The following PIEZO2 variants were observed in gnomAD, a reference collection of about 807,000 sequenced individuals.
The protein encoded by PIEZO2 is piezo type mechanosensitive ion channel component 2.
Under a neutral mutation model 337.3 loss-of-function variants are expected in PIEZO2, and 172 were observed. The observed-to-expected ratio is 0.51, with a 90% CI of 0.45 to 0.58. The LOEUF is 0.58. PIEZO2 is among the 20% of genes least tolerant of loss of function. The probability of loss-of-function intolerance (pLI) is 0.00; values close to 1 mark genes in which losing one functional copy is unlikely to be tolerated. For synonymous variants in PIEZO2, 1,251 were observed against 1,228.5 expected (o/e 1.02, Z -0.38); for missense variants, 3,028 against 3,391.3 (o/e 0.89, Z 2.66).
chr18:10,730,776 G>T (rs2036732793), intron 36 of PIEZO2, among the ~76,000 whole-genome samples: 1 of 152,072 alleles, frequency 6.6e-6, no homozygotes, highest in African/African-American at 2.4e-5. Context: ...GCCCAGGCTG[G>T]AGTGCAGTGG....
intron 49 of PIEZO2, among the ~76,000 whole-genome samples, chr18:10,683,388 G>A (rs761536773): frequency 6.6e-5 from 10 of 152,324 alleles, no homozygotes; most frequent in East Asian, 3.9e-4. Context: ...GGGCCAGTGC[G>A]TAGTGCACTC....
intron 4 of PIEZO2, chr18:10,908,333 T>C (rs969281956): frequency 6.6e-6 from 1 of 152,262 alleles, no homozygotes; most frequent in African/African-American, 2.4e-5. Context: ...TCTTTTCATT[T>C]AGATGTGATC....
In PIEZO2 at chr18:11,126,042, C is replaced by T. The variant is rs568921563; in HGVS notation, c.64+22483G>A. 9.2e-5 allele frequency among the ~76,000 whole-genome samples: 14 copies of T among 152,276 alleles called. No homozygotes were observed. In the South Asian group the frequency reaches 1.7e-3, roughly 18 times the overall value. ...ATGACTCCATTTATTTTCCAAAATA[C>T]GTTAACTTTCAGTCTGTACTTACCC... On this transcript the variant is annotated intron_variant, in intron 1 of 55. Coordinates refer to ENST00000674853, the MANE Select transcript of PIEZO2 (RefSeq NM_001378183.1). The surrounding 1 kb of genome is among the most constrained non-coding windows in gnomAD (Gnocchi z 4.6).
intron 7 of PIEZO2, among the ~76,000 whole-genome samples, chr18:10,829,821 A>T (rs924636873): frequency 6.6e-6 from 1 of 152,154 alleles, no homozygotes; most frequent in Non-Finnish European, 1.5e-5. Context: ...GATATTCCAT[A>T]TTCAGGAATT....
At position 11,027,439 on chromosome 18, in the gene PIEZO2, G is replaced by C. The variant is rs2036578509; in HGVS notation, c.160+38688C>G. On this transcript the variant is annotated intron_variant, in intron 2 of 55. Coordinates refer to ENST00000674853, the MANE Select transcript of PIEZO2 (RefSeq NM_001378183.1). The surrounding 1 kb of genome is among the most constrained non-coding windows in gnomAD (Gnocchi z 4.2). ...GGAATAAGGTACAAGAGGTTAAAAA[G>C]AAAGCAATCAAATTGACAATGAAGC... is the stretch of plus-strand genomic sequence containing the variant. 6.6e-6 allele frequency among the ~76,000 whole-genome samples: 1 copy of C among 152,186 alleles called. No homozygotes were observed. Among genetic ancestry groups the C allele is most frequent in the Non-Finnish European group, 1.5e-5 (1 of 68,030 alleles).
At chr18:11,006,592 C>G (rs996241232) in intron 2 of PIEZO2, among the ~76,000 whole-genome samples, 1 of 152,132 alleles carries the variant, frequency 6.6e-6, no homozygotes, top group African/African-American at 2.4e-5. Context: ...TCCATTTACC[C>G]TCCCGCATCT....
chr18:10,888,001 C>T lies in PIEZO2; in HGVS notation c.330-16586G>A, dbSNP rs2042656510. 6.6e-6 allele frequency among the ~76,000 whole-genome samples: 1 copy of T among 152,162 alleles called. No homozygotes were observed. The highest frequency in any genetic ancestry group is 6.5e-5 in the Admixed American group (1 of 15,282). ...GATTTGAACTTTGTAAGGATATATT[C>T]TGAAATTGCATCAATGTCCTCTGCC... On this transcript the variant is annotated intron_variant, in intron 4 of 55. Transcript: ENST00000674853. The surrounding 1 kb of genome is among the most constrained non-coding windows in gnomAD (Gnocchi z 4.1).
chr18:10,717,042 G>A (rs1393511676), intron 37 of PIEZO2, among the ~76,000 whole-genome samples: 2 of 152,272 alleles, frequency 1.3e-5, no homozygotes, highest in Non-Finnish European at 2.9e-5. Context: ...GTGGTTAAGA[G>A]CACACACTCT....
At position 10,773,943 on chromosome 18, in the gene PIEZO2, G is replaced by T. The variant is rs568513779; in HGVS notation, c.2567+63C>A. On this transcript the variant is annotated intron_variant, in intron 19 of 55. Coordinates refer to ENST00000674853, the MANE Select transcript of PIEZO2 (RefSeq NM_001378183.1). This position sits in a 1 kb window ranked among gnomAD's most constrained non-coding sequence, Gnocchi z 5.3. ...GAGGAGAAAATGGTCAGAGTTTAGG[G>T]TGTAGAAGCATGAAATGGCATCATG... is the stretch of plus-strand genomic sequence containing the variant. 1.4e-6 allele frequency: 1 copy of T among 701,366 alleles called. No homozygotes were observed. Among genetic ancestry groups the T allele is most frequent in the East Asian group, 2.7e-5 (1 of 37,266 alleles). 43.4% of individuals were successfully genotyped at this position (701,366 alleles called of 1,614,324 possible). A position where few individuals can be genotyped will look rare whatever the true frequency, so the allele number is the denominator to read the frequency against.
At chr18:10,757,553 G>A (rs1237527906) in intron 27 of PIEZO2, among the ~76,000 whole-genome samples, 1 of 146,304 alleles carries the variant, frequency 6.8e-6, no homozygotes, top group Non-Finnish European at 1.5e-5. Context: ...ATGGGGATGA[G>A]GATGAGCTAT....
intron 2 of PIEZO2, among the ~76,000 whole-genome samples, chr18:11,062,375 A>C (rs1044538247): frequency 6.6e-6 from 1 of 152,336 alleles, no homozygotes; most frequent in South Asian, 2.1e-4. Context: ...TAAAACACCA[A>C]AAGCAATGGC....
At chr18:11,025,664 T>C (rs2036514879) in intron 2 of PIEZO2, among the ~76,000 whole-genome samples, 1 of 152,144 alleles carries the variant, frequency 6.6e-6, no homozygotes, top group African/African-American at 2.4e-5. Flanking sequence ...GACACAGACA[T>C]TTCCTGAATG....
Position 10,726,538 on chromosome 18 carries a change from T to C in PIEZO2, c.5029+4869A>G, listed in dbSNP as rs907109667. 6.3e-6 allele frequency: 9 copies of C among 1,438,496 alleles called. No individual in the cohort carries two copies. The Admixed American group carries it at 1.9e-4, about 31-fold the overall frequency. The allele number at this position is 1,438,496 out of a possible 1,614,324, so 89.1% of individuals were successfully genotyped here. On this transcript the variant is annotated intron_variant, in intron 36 of 55. Coordinates refer to ENST00000674853, the MANE Select transcript of PIEZO2 (RefSeq NM_001378183.1). The surrounding 1 kb of genome is among the most constrained non-coding windows in gnomAD (Gnocchi z 5.9). ...TGTGGCGCGCTGCGCTGCTCTGCTCTGCTACACCAGCCGCCACGCTGTGCG... is the reference window on the plus strand; with the variant it reads ...TGTGGCGCGCTGCGCTGCTCTGCTCCGCTACACCAGCCGCCACGCTGTGCG...
chr18:10,764,761 T>A (rs1403198345), intron 21 of PIEZO2, among the ~76,000 whole-genome samples: 1 of 152,202 alleles, frequency 6.6e-6, no homozygotes, highest in South Asian at 2.1e-4. Context: ...TAGGAAGAGA[T>A]GCCTTATAGA....
chr18:10,945,277 T>C lies in PIEZO2; in HGVS notation c.287-34049A>G, dbSNP rs2032957325. Among the ~76,000 whole-genome samples, 3 of 152,150 alleles carry C rather than the reference T, an allele frequency of 2.0e-5. No homozygotes were observed. The highest frequency in any genetic ancestry group is 4.1e-4 in the South Asian group (2 of 4,826). ...TCACTGCAGCCTCAAACTCCTGTGC[T>C]CAGGGGATCCTCCCACCTCAGCTTC... On this transcript the variant is annotated intron_variant, in intron 3 of 55. Coordinates refer to ENST00000674853, the MANE Select transcript of PIEZO2 (RefSeq NM_001378183.1). The surrounding 1 kb of genome is among the most constrained non-coding windows in gnomAD (Gnocchi z 4.0).
intron 1 of PIEZO2, among the ~76,000 whole-genome samples, chr18:11,068,484 G>T (rs967670325): frequency 6.6e-6 from 1 of 151,978 alleles, no homozygotes; most frequent in African/African-American, 2.4e-5. Flanking sequence ...AATACCTTGG[G>T]ATTAGCAAAA....
At chr18:10,737,219 T>C (rs2037032891) in intron 33 of PIEZO2, among the ~76,000 whole-genome samples, 1 of 149,218 alleles carries the variant, frequency 6.7e-6, no homozygotes, top group African/African-American at 2.5e-5. Context: ...TCCTTCACTT[T>C]ACACTGTGCA....
chr18:10,836,117 A>G lies in PIEZO2; in HGVS notation c.917+19236T>C, dbSNP rs754707030. Among the ~76,000 whole-genome samples, 20 of 152,250 alleles carry G rather than the reference A, an allele frequency of 1.3e-4. 1 individual carries two copies. Among genetic ancestry groups the G allele is most frequent in the Non-Finnish European group, 2.5e-4 (17 of 68,002 alleles). On this transcript the variant is annotated intron_variant, in intron 7 of 55. Transcript: ENST00000674853. ...GGATTACATGAGCAAAGTACCACAA[A>G]ATGGAATAAAGTTACTCTCGACACA...
chr18:10,820,791 G>T (rs1751047973), intron 7 of PIEZO2, among the ~76,000 whole-genome samples: 1 of 152,162 alleles, frequency 6.6e-6, no homozygotes, highest in South Asian at 2.1e-4. Context: ...ACTTGCATCA[G>T]CTTTATCCTA....
Sources: allele counts gnomAD v4.1 joint callset (sites outside exome capture counted in the v4.1 genomes callset), GRCh38; gene constraint gnomAD v4.1.1; non-coding constraint Gnocchi (gnomAD v3.1); transcripts MANE v1.5; gene names NCBI Gene and HGNC (gene_info 2026-07-23, HGNC 2026-07-21).